Variants in XIRP2 observed in about 807,000 individuals in gnomAD.
The protein encoded by XIRP2 is xin actin-binding repeat-containing protein 2.
Under a neutral mutation model 277.0 loss-of-function variants are expected in XIRP2, and 236 were observed. The observed-to-expected ratio is 0.85, with a 90% CI of 0.77 to 0.95. The LOEUF (loss-of-function observed/expected upper bound fraction) is 0.95, where lower values mean the gene tolerates loss of function less well. XIRP2 is among the 40% of genes least tolerant of loss of function. The pLI, the probability that XIRP2 is intolerant of heterozygous loss-of-function variation, is 0.00. For missense variants in XIRP2, 4,640 were observed against 4,157.5 expected (o/e 1.12, Z -3.19); for synonymous variants, 1,490 against 1,416.5 (o/e 1.05, Z -1.17).
rs538882778 is a variant in XIRP2, at chr2:166,942,500, T to TA, written c.408+38611dup. On this transcript the variant is annotated intron_variant, in intron 2 of 10. Transcript: ENST00000409195. ...GCGGGCAGTCCAAGCACACAAGTGT[T>TA]AGTGGCAGTGCCAGACTTCAAATTA... Among the ~76,000 whole-genome samples the TA allele has an allele frequency of 4.6e-5, 7 of 152,340 alleles. No individual in the cohort carries two copies. In the South Asian group the frequency reaches 1.4e-3, roughly 32 times the overall value.
intron 2 of XIRP2, among the ~76,000 whole-genome samples, chr2:167,087,162 G>T (rs1321488481): frequency 6.6e-6 from 1 of 152,142 alleles, no homozygotes; most frequent in Admixed American, 6.5e-5. Flanking sequence ...CCTTCTAACA[G>T]ACAGGACCCT....
chr2:167,141,592 C>T (rs1385594869), intron 3 of XIRP2, among the ~76,000 whole-genome samples: 2 of 152,086 alleles, frequency 1.3e-5, no homozygotes, highest in East Asian at 3.9e-4. Context: ...TAAACTAAGA[C>T]TTGAATAAGT....
chr2:167,143,329 T>C (rs1691776170), intron 3 of XIRP2, among the ~76,000 whole-genome samples: 1 of 152,114 alleles, frequency 6.6e-6, no homozygotes, highest in Non-Finnish European at 1.5e-5. Flanking sequence ...CTTATGTCCG[T>C]GGGCCCACAG....
chr2:167,110,162 A>G (rs974620945), intron 2 of XIRP2, among the ~76,000 whole-genome samples: 8 of 152,188 alleles, frequency 5.3e-5, no homozygotes, highest in African/African-American at 1.9e-4. Flanking sequence ...TGTTGTGCAG[A>G]AATTCTTTTA....
chr2:167,239,918 CAAG>C lies in XIRP2; in HGVS notation c.926_928del (p.Glu309del), dbSNP rs1695003817. On this transcript the variant is annotated inframe_deletion, in exon 6 of 11. Coordinates refer to ENST00000409195, the MANE Select transcript of XIRP2 (RefSeq NM_152381.6). ...CAGCCAGGAAATGGCAAGAAATGAA[CAAG>C]AAGGGTCCAAAGTACAGAAAATTGA... The C allele has an allele frequency of 6.2e-7, 1 of 1,607,136 alleles. No homozygotes were observed. The highest frequency in any genetic ancestry group is 8.5e-7 in the Non-Finnish European group (1 of 1,178,040).
chr2:167,146,021 A>G (rs1279007548), intron 3 of XIRP2, among the ~76,000 whole-genome samples: 1 of 152,238 alleles, frequency 6.6e-6, no homozygotes, highest in Non-Finnish European at 1.5e-5. Flanking sequence ...TTAAAAGTGT[A>G]TCATGAAAAA....
At chr2:166,940,363 GT>G (rs1455986050) in intron 2 of XIRP2, among the ~76,000 whole-genome samples, 1 of 152,072 alleles carries the variant, frequency 6.6e-6, no homozygotes, top group African/African-American at 2.4e-5. Context: ...TTTTTTCAAG[GT>G]TTTTAGCCTC....
intron 3 of XIRP2, among the ~76,000 whole-genome samples, chr2:167,139,799 T>C (rs1691658067): frequency 6.6e-6 from 1 of 152,196 alleles, no homozygotes; most frequent in South Asian, 2.1e-4. Context: ...CGGTCCAATA[T>C]GGTAACCACT....
intron 2 of XIRP2, among the ~76,000 whole-genome samples, chr2:166,925,774 C>A (rs903283769): frequency 6.6e-6 from 1 of 151,682 alleles, no homozygotes; most frequent in African/African-American, 2.4e-5. Flanking sequence ...ATAAATAAAT[C>A]CTTTTTTGGC....
intron 2 of XIRP2, among the ~76,000 whole-genome samples, chr2:167,101,373 G>A (rs1039187475): frequency 3.9e-5 from 6 of 152,166 alleles, no homozygotes; most frequent in African/African-American, 9.7e-5. Context: ...TTGGTTGCAT[G>A]AGTCAGTGCT....
At position 167,247,840 on chromosome 2, in the gene XIRP2, A is replaced by C; in HGVS notation, c.6448A>C (p.Ile2150Leu). Residue 2150 changes from isoleucine to leucine, a missense_variant, in exon 9 of 11, where the codon ATT becomes CTT. Coordinates refer to ENST00000409195, the MANE Select transcript of XIRP2 (RefSeq NM_152381.6). ...AAAGAGTCCTAAAAAGACCAAAAAT[A>C]TTAAAATATTAACTGATACACAAAG... Reference protein sequence around the residue: ...HIKSPKKTKNIKILTDTQSSK... With the variant: ...HIKSPKKTKNLKILTDTQSSK... The C allele has an allele frequency of 3.1e-6, 5 of 1,613,538 alleles. No individual in the cohort carries two copies. The highest frequency in any genetic ancestry group is 4.2e-6 in the Non-Finnish European group (5 of 1,179,714).
At chr2:166,950,839 T>C (rs1686008667) in intron 2 of XIRP2, among the ~76,000 whole-genome samples, 2 of 152,088 alleles carry the variant, frequency 1.3e-5, no homozygotes, top group African/African-American at 2.4e-5. Flanking sequence ...TTCAAATAGA[T>C]AGACAGTACA....
intron 2 of XIRP2, among the ~76,000 whole-genome samples, chr2:166,953,785 G>T (rs1158579275): frequency 6.6e-6 from 1 of 151,774 alleles, no homozygotes; most frequent in Non-Finnish European, 1.5e-5. Flanking sequence ...CATTCTTAAT[G>T]ATATTATTTA....
chr2:167,046,284 T>C (rs1688785703), intron 2 of XIRP2, among the ~76,000 whole-genome samples: 2 of 151,824 alleles, frequency 1.3e-5, no homozygotes, highest in African/African-American at 4.8e-5. Context: ...TTCTAGTATT[T>C]CAACAGGCCC....
At chr2:167,014,950 T>A (rs1171417406) in intron 2 of XIRP2, among the ~76,000 whole-genome samples, 1 of 151,816 alleles carries the variant, frequency 6.6e-6, no homozygotes, top group Non-Finnish European at 1.5e-5. Flanking sequence ...TTGCCTCTAA[T>A]CTCACCTCCT....
chr2:167,094,572 G>T (rs1690242897), intron 2 of XIRP2, among the ~76,000 whole-genome samples: 2 of 152,094 alleles, frequency 1.3e-5, no homozygotes, highest in Admixed American at 6.5e-5. Flanking sequence ...TTAAATTAGG[G>T]AATCCTTTCC....
chr2:167,137,122 G>A (rs1368876850), intron 3 of XIRP2, among the ~76,000 whole-genome samples: 2 of 152,120 alleles, frequency 1.3e-5, no homozygotes, highest in Non-Finnish European at 2.9e-5. Context: ...GGTCTTCAGG[G>A]GAATTTACAT....
At chr2:166,896,646 AGTTAAG>A (rs1270168366) in intron 1 of XIRP2, among the ~76,000 whole-genome samples, 2 of 152,104 alleles carry the variant, frequency 1.3e-5, no homozygotes, top group African/African-American at 4.8e-5. Flanking sequence ...AGCTATAGTA[AGTTAAG>A]GTTAATTTGT....
chr2:167,019,628 G>A (rs1687928112), intron 2 of XIRP2, among the ~76,000 whole-genome samples: 1 of 152,182 alleles, frequency 6.6e-6, no homozygotes, highest in East Asian at 1.9e-4. Context: ...ATTCAAGTCA[G>A]ATTTGCAGTG....
Sources: gnomAD v4.1 joint callset for allele counts (sites outside exome capture counted in the v4.1 genomes callset) on GRCh38, gnomAD v4.1.1 for gene constraint, MANE v1.5 for transcripts, NCBI Gene and HGNC (gene_info 2026-07-23, HGNC 2026-07-21) for gene names.